The following EEF1D variants were observed in gnomAD, a reference collection of about 807,000 sequenced individuals.
EEF1D encodes the protein eukaryotic translation elongation factor 1 delta, also known as elongation factor 1-delta.
A neutral mutation model predicts 63.9 loss-of-function variants in EEF1D; 47 were observed. The ratio of observed to expected loss-of-function variants is 0.74; its 90% CI spans 0.58 to 0.94. The LOEUF (loss-of-function observed/expected upper bound fraction) is 0.94. Among genes scored for constraint, EEF1D ranks in the 40% least tolerant of loss-of-function variants. EEF1D has a pLI of 0.00. For synonymous variants in EEF1D, 412 were observed against 386.1 expected, an observed-to-expected ratio of 1.07 and a Z score of -0.79; for missense variants, 907 against 899.0, an observed-to-expected ratio of 1.01 and a Z score of -0.11.
intron 2 of EEF1D, among the ~76,000 whole-genome samples, chr8:143,591,326 T>C (rs1827915546): frequency 6.6e-6 from 1 of 152,188 alleles, no homozygotes; most frequent in South Asian, 2.1e-4. Context: ...CTGGGCGACC[T>C]CAGTCACCTG....
chr8:143,595,164 G>A (rs997150888), intron 1 of EEF1D, among the ~76,000 whole-genome samples: 1 of 152,136 alleles, frequency 6.6e-6, no homozygotes, highest in Non-Finnish European at 1.5e-5. Flanking sequence ...CCACCTCCCG[G>A]GTCCAAGCAA....
Position 143,580,204 on chromosome 8 carries a change from C to T in EEF1D, c.1713G>A (p.Trp571Ter). The change falls in exon 9 of 10, where the codon TGG becomes TGA. Residue 571 changes from tryptophan to a stop codon, truncating the protein, a stop_gained and splice_region_variant. Coordinates refer to ENST00000618139, the MANE Select transcript of EEF1D (RefSeq NM_001130053.5). LOFTEE classifies it high-confidence loss of function. ...GCTGGGCCATGTCCGTCTCATCATC[C>T]CACTGTGGGGAAAGGGGAGGAAAAG... ...KSSILLDVKP[W>*]DDETDMAQLE... The T allele has an allele frequency of 6.2e-7, 1 of 1,612,534 alleles. No individual in the cohort carries two copies. The highest frequency in any genetic ancestry group is 1.1e-5 in the South Asian group (1 of 91,036).
chr8:143,583,769 G>A (rs1826005319), intron 5 of EEF1D: 2 of 152,312 alleles, frequency 1.3e-5, no homozygotes, highest in African/African-American at 4.8e-5. Context: ...CTGTAAATAT[G>A]GTCTCCCATG....
rs1196290468 is a variant in EEF1D, at chr8:143,580,786, T to G, written c.1489-59A>C. ...AGACGCCCCAACCAGGGCCCAGAGC[T>G]GCCTGGCCACCTCCTGGCCCTCCTC... On this transcript the variant is annotated intron_variant, in intron 7 of 9. Coordinates refer to ENST00000618139, the MANE Select transcript of EEF1D (RefSeq NM_001130053.5). The G allele has an allele frequency of 2.5e-6, 4 of 1,586,446 alleles. No homozygotes were observed. The African/African-American group carries it at 5.4e-5, about 21-fold the overall frequency.
At chr8:143,586,153 A>G (rs1181729815) in intron 5 of EEF1D, 66 bp downstream of exon 5, 6 of 1,471,768 alleles carry the variant, frequency 4.1e-6, no homozygotes, top group South Asian at 1.2e-5. Context: ...CAGCAGCATC[A>G]GGAAAAATCA....
chr8:143,581,023 C>T (rs1322003258), intron 7 of EEF1D, 31 bp downstream of exon 7: 8 of 1,605,782 alleles, frequency 5.0e-6, no homozygotes, highest in Non-Finnish European at 6.8e-6. Context: ...ACGTGGTCCC[C>T]TGCAGTGTCA....
intron 2 of EEF1D, chr8:143,592,229 A>G: frequency 3.0e-6 from 3 of 985,508 alleles, no homozygotes; most frequent in African/African-American, 1.7e-5. Flanking sequence ...TGCAGGTCCC[A>G]TCAGCAGTGC....
chr8:143,586,898 T>TC (rs751654888), intron 3 of EEF1D, 46 bp from the exon 4 acceptor site: 329 of 1,608,238 alleles, frequency 2.0e-4, no homozygotes, highest in Non-Finnish European at 2.6e-4. Context: ...GAAGTGGGCC[T>TC]CGGCATCAGG....
intron 3 of EEF1D, chr8:143,587,447 A>T (rs1173729309): frequency 6.6e-6 from 1 of 152,234 alleles, no homozygotes; most frequent in Non-Finnish European, 1.5e-5. Context: ...TTCCTGCCTC[A>T]GCCTCCCGAG....
chr8:143,580,253 A>G (rs781219947), intron 8 of EEF1D, 47 bp from the exon 9 acceptor site: 30 of 1,581,128 alleles, frequency 1.9e-5, no homozygotes, highest in Non-Finnish European at 2.5e-5. Context: ...CCCTCAGAAC[A>G]CCCAGGAAGT....
chr8:143,586,540 GC>G (rs1826671867), intron 4 of EEF1D, among the ~76,000 whole-genome samples, 188 bp downstream of exon 4: 1 of 152,168 alleles, frequency 6.6e-6, no homozygotes, highest in South Asian at 2.1e-4. Context: ...CGGCAGGAGG[GC>G]CCTGAGCAGA....
intron 2 of EEF1D, chr8:143,590,400 T>G: frequency 3.2e-6 from 2 of 627,012 alleles, no homozygotes; most frequent in South Asian, 2.2e-5. Context: ...GTATGGCCCA[T>G]GAAGTATCTG....
intron 1 of EEF1D, chr8:143,592,889 A>C: frequency 6.2e-6 from 1 of 160,338 alleles, no homozygotes; most frequent in Non-Finnish European, 1.3e-5. Flanking sequence ...TCACTCCGTC[A>C]TCCCCTGAAA....
At chr8:143,585,287 A>G (rs1454659117) in intron 5 of EEF1D, among the ~76,000 whole-genome samples, 1 of 152,162 alleles carries the variant, frequency 6.6e-6, no homozygotes, top group Non-Finnish European at 1.5e-5. Flanking sequence ...AGGAGGTTCG[A>G]GAGAGGCGCG....
At chr8:143,594,675 C>G (rs1436873492) in intron 1 of EEF1D, among the ~76,000 whole-genome samples, 2 of 152,216 alleles carry the variant, frequency 1.3e-5, no homozygotes, top group Non-Finnish European at 2.9e-5. Context: ...GCCACCGGCT[C>G]AGCCTGTGCA....
Position 143,579,807 on chromosome 8 carries a change from A to G in EEF1D, c.1929T>C (p.Ala643=), listed in dbSNP as rs1370470082. ...EEHVQSVDIA[A]FNKI ...CACTCAGGCTTCAGATCTTGTTGAA[A>G]GCTGCGATATCGACACTCTGCACCT... is the stretch of plus-strand genomic sequence containing the variant. The change falls in exon 10 of 10, where the codon GCT becomes GCC. Residue 643 remains alanine (A), a synonymous_variant. Coordinates refer to ENST00000618139, the MANE Select transcript of EEF1D (RefSeq NM_001130053.5). 1 of 1,565,996 alleles carries G rather than the reference A, an allele frequency of 6.4e-7. No homozygotes were observed. Among genetic ancestry groups the G allele is most frequent in the East Asian group, 2.3e-5 (1 of 44,290 alleles).
intron 3 of EEF1D, 114 bp downstream of exon 3, chr8:143,588,877 G>A (rs1010192523): frequency 3.0e-5 from 42 of 1,389,006 alleles, no homozygotes; most frequent in Non-Finnish European, 3.5e-5. Context: ...CACGGGTCTC[G>A]GGGAGCCCCC....
chr8:143,588,999 C>A lies in EEF1D; in HGVS notation c.1083G>T (p.Leu361=). Residue 361 remains leucine, a synonymous_variant, in exon 3 of 10, where the codon CTG becomes CTT. Transcript: ENST00000618139. ...CAGCACGTTTCTCCTACTTGGGTCT[C>A]AGGCTGGACACGGACAGGCCAGACC... ...GPRSGLSVSS[L]RPNRKMATNF... is the part of the protein sequence containing the mutation. 6.3e-7 allele frequency: 1 copy of A among 1,596,360 alleles called. No individual in the cohort carries two copies. Among genetic ancestry groups the A allele is most frequent in the Non-Finnish European group, 8.5e-7 (1 of 1,179,134 alleles).
chr8:143,592,175 C>T (rs951219327), intron 2 of EEF1D: 6 of 985,374 alleles, frequency 6.1e-6, no homozygotes, highest in African/African-American at 1.7e-5. Context: ...ATTGTGACAT[C>T]GTGCGGTGGT....
Sources: gnomAD v4.1 joint callset for allele counts (sites outside exome capture counted in the v4.1 genomes callset) on GRCh38, gnomAD v4.1.1 for gene constraint, MANE v1.5 for transcripts, NCBI Gene and HGNC (gene_info 2026-07-23, HGNC 2026-07-21) for gene names.